TNFSF13B: variants seen among roughly 807,000 people sequenced by gnomAD.
The protein encoded by TNFSF13B is TNF superfamily member 13b, also known as tumor necrosis factor ligand superfamily member 13B.
A neutral mutation model predicts 29.1 loss-of-function variants in TNFSF13B; 8 were observed. The ratio of observed to expected loss-of-function variants is 0.27; its 90% confidence interval spans 0.16 to 0.50. The LOEUF (loss-of-function observed/expected upper bound fraction) is 0.50. TNFSF13B is among the 20% of genes least tolerant of loss of function. The pLI is 0.98. For synonymous variants in TNFSF13B, 125 were observed against 130.8 expected (o/e 0.96, Z 0.30); for missense variants, 248 against 334.9 (o/e 0.74, Z 2.03).
intron 2 of TNFSF13B, among the ~76,000 whole-genome samples, chr13:108,271,444 TCACA>T (rs59438208): frequency 0.13 from 18,881 of 142,800 alleles, 1,828 homozygotes; most frequent in African/African-American, 0.28. Context: ...GACCCTTCTA[TCACA>T]CACACACACA....
intron 3 of TNFSF13B, among the ~76,000 whole-genome samples, chr13:108,289,828 G>A (rs1177220314): frequency 6.6e-6 from 1 of 151,932 alleles, no homozygotes. Flanking sequence ...TGAGGGCAGA[G>A]GTAAACTTCA....
At chr13:108,283,236 G>A (rs188121412) in intron 2 of TNFSF13B, among the ~76,000 whole-genome samples, 1 of 152,304 alleles carries the variant, frequency 6.6e-6, no homozygotes, top group African/African-American at 2.4e-5. Flanking sequence ...TTCCTAAAGC[G>A]AATTGCCTTG....
In TNFSF13B at chr13:108,270,109, C is replaced by G. The variant is rs1273314508; in HGVS notation, c.214C>G (p.Leu72Val). ...GGTGTCTTTCTACCAGGTGGCCGCC[C>G]TGCAAGGGGACCTGGCCAGCCTCCG... Reference protein sequence around the residue: ...TVVSFYQVAALQGDLASLRAE... With the variant: ...TVVSFYQVAAVQGDLASLRAE... The change falls in exon 1 of 6, where the codon CTG (leucine) becomes GTG (valine). Residue 72 changes from leucine (L) to valine (V), a missense_variant. Leu to Val is a conservative substitution (Grantham distance 32). Around this residue, in one of 2 missense-constraint regions of TNFSF13B, gnomAD observed 186 missense variants for 196.3 expected, o/e 0.95. Transcript: ENST00000375887. 1 of 1,603,170 alleles carries G rather than the reference C, an allele frequency of 6.2e-7. No homozygotes were observed. The highest frequency in any genetic ancestry group is 1.7e-5 in the Admixed American group (1 of 60,012).
intron 5 of TNFSF13B, among the ~76,000 whole-genome samples, chr13:108,304,445 G>T (rs1881714380): frequency 6.6e-6 from 1 of 152,166 alleles, no homozygotes; most frequent in African/African-American, 2.4e-5. Flanking sequence ...TTGCACCCAG[G>T]AGCAGTGAGA....
chr13:108,307,166 G>A lies in TNFSF13B; in HGVS notation c.*228G>A, dbSNP rs1229320147. ...TGTCATGTGAATTACAAGAAATAGA[G>A]CCCATTTAGGGAAAGATAGAACTAG... On this transcript the variant is annotated 3_prime_UTR_variant, in exon 6 of 6. Coordinates refer to ENST00000375887, the MANE Select transcript of TNFSF13B (RefSeq NM_006573.5). 9.9e-6 allele frequency: 4 copies of A among 405,186 alleles called. No homozygotes were observed. The highest frequency in any genetic ancestry group is 6.4e-5 in the African/African-American group (3 of 47,142). 25.1% of individuals were successfully genotyped at this position (405,186 alleles called of 1,614,324 possible).
chr13:108,276,074 A>T (rs1880754892), intron 2 of TNFSF13B, among the ~76,000 whole-genome samples: 1 of 152,226 alleles, frequency 6.6e-6, no homozygotes, highest in African/African-American at 2.4e-5. Flanking sequence ...GATGTTTGAC[A>T]AGTCTGTAAT....
At chr13:108,276,891 T>G (rs1488798387) in intron 2 of TNFSF13B, among the ~76,000 whole-genome samples, 2 of 152,230 alleles carry the variant, frequency 1.3e-5, no homozygotes, top group African/African-American at 4.8e-5. Context: ...CTTATTCTTT[T>G]TATAGATCAA....
At chr13:108,289,673 C>T (rs1045298320) in intron 3 of TNFSF13B, among the ~76,000 whole-genome samples, 4 of 148,492 alleles carry the variant, frequency 2.7e-5, no homozygotes, top group African/African-American at 9.9e-5. Context: ...TATATATTAT[C>T]TTATTGTATT....
At chr13:108,306,746 G>A (rs764713819) in intron 5 of TNFSF13B, 80 bp from the exon 6 acceptor site, 2 of 818,836 alleles carry the variant, frequency 2.4e-6, no homozygotes, top group South Asian at 1.7e-5. Flanking sequence ...TTTTTTTACA[G>A]AACAAAATAG....
intron 2 of TNFSF13B, among the ~76,000 whole-genome samples, chr13:108,271,732 T>C (rs1202407661): frequency 6.6e-6 from 1 of 152,114 alleles, no homozygotes; most frequent in Non-Finnish European, 1.5e-5. Flanking sequence ...TAATTGAAAA[T>C]AATACGGAAT....
chr13:108,303,814 A>G (rs528374274), intron 5 of TNFSF13B, among the ~76,000 whole-genome samples: 41 of 152,294 alleles, frequency 2.7e-4, no homozygotes, highest in Non-Finnish European at 5.0e-4. Context: ...TAGTTTTACC[A>G]TTTTTATATA....
intron 3 of TNFSF13B, among the ~76,000 whole-genome samples, chr13:108,294,183 A>ATTT (rs111754666): frequency 3.5e-5 from 5 of 144,014 alleles, no homozygotes; most frequent in African/African-American, 1.0e-4. Context: ...AAATTCATGG[A>ATTT]TTTTTTTTTT....
intron 2 of TNFSF13B, among the ~76,000 whole-genome samples, chr13:108,270,882 G>A (rs960284103): frequency 3.3e-5 from 5 of 152,158 alleles, no homozygotes; most frequent in Non-Finnish European, 7.3e-5. Context: ...GTGAAACCAG[G>A]TGAAGGTTGT....
intron 3 of TNFSF13B, among the ~76,000 whole-genome samples, chr13:108,288,259 C>T (rs904304055): frequency 1.3e-5 from 2 of 152,138 alleles, no homozygotes; most frequent in Non-Finnish European, 2.9e-5. Flanking sequence ...ATTTAGTTTA[C>T]ATTTATTAAT....
upstream of TNFSF13B, chr13:108,269,714 C>A: frequency 1.7e-6 from 1 of 601,188 alleles, no homozygotes; most frequent in Non-Finnish European, 2.9e-6. Flanking sequence ...ACCTACTGTA[C>A]AGTAGGGGTA....
intron 3 of TNFSF13B, among the ~76,000 whole-genome samples, chr13:108,290,669 C>T: frequency 6.6e-6 from 1 of 151,844 alleles, no homozygotes; most frequent in Non-Finnish European, 1.5e-5. Context: ...TCTGTGAGCA[C>T]CTTATATCTC....
chr13:108,305,181 G>C (rs544464405), intron 5 of TNFSF13B, among the ~76,000 whole-genome samples: 50 of 152,018 alleles, frequency 3.3e-4, no homozygotes, highest in African/African-American at 1.1e-3. Context: ...TAAGTTTCAG[G>C]TTTGCAATTT....
At chr13:108,275,565 T>A (rs1880740402) in intron 2 of TNFSF13B, among the ~76,000 whole-genome samples, 1 of 152,090 alleles carries the variant, frequency 6.6e-6, no homozygotes, top group Non-Finnish European at 1.5e-5. Context: ...AAAGCAAGAA[T>A]AGAAAAAATT....
intron 2 of TNFSF13B, among the ~76,000 whole-genome samples, chr13:108,277,890 T>C (rs1157020039): frequency 6.6e-6 from 1 of 152,134 alleles, no homozygotes; most frequent in African/African-American, 2.4e-5. Context: ...TTGTGACCTG[T>C]ATTTTGTGCT....
Sources: gnomAD v4.1 joint callset for allele counts (sites outside exome capture counted in the v4.1 genomes callset) on GRCh38, gnomAD v4.1.1 for gene constraint, gnomAD v4.1.1 regional missense constraint, MANE v1.5 for transcripts, NCBI Gene and HGNC (gene_info 2026-07-23, HGNC 2026-07-21) for gene names.